ANKRD18B: variants seen among roughly 807,000 people sequenced by gnomAD.
ANKRD18B encodes ankyrin repeat domain-containing protein 18B.
In ANKRD18B, 75 loss-of-function variants were observed where a neutral mutation model predicts 111.8. The observed-to-expected ratio is 0.67, with a 90% CI of 0.56 to 0.81. ANKRD18B has a LOEUF of 0.81. Among genes scored for constraint, ANKRD18B ranks in the 40% least tolerant of loss-of-function variants. The pLI is 0.00. For synonymous variants in ANKRD18B, 356 were observed against 417.3 expected, an observed-to-expected ratio of 0.85 and a Z score of 1.79; for missense variants, 1,038 against 1,225.5, an observed-to-expected ratio of 0.85 and a Z score of 2.28.
In ANKRD18B at chr9:33,533,719, T is replaced by G; in HGVS notation, c.602+174T>G. The G allele has an allele frequency of 3.9e-6, 5 of 1,296,298 alleles. No individual in the cohort carries two copies. The South Asian group carries it at 1.0e-4, about 26-fold the overall frequency. 80.3% of individuals were successfully genotyped at this position (1,296,298 alleles called of 1,614,324 possible). On this transcript the variant is annotated intron_variant, in intron 4 of 18. Coordinates refer to ENST00000684830, the MANE Select transcript of ANKRD18B (RefSeq NM_001393611.1). Reference sequence around the variant, plus strand: ...AAGAAGTTATTTGGACTAAGCAACATAAAAAACAGTATATAGTAGGATTCA... The same window carrying G: ...AAGAAGTTATTTGGACTAAGCAACAGAAAAAACAGTATATAGTAGGATTCA...
In ANKRD18B at chr9:33,541,154, A is replaced by G. The variant is rs1349805923; in HGVS notation, c.1005A>G (p.Ala335=). Residue 335 remains alanine (A), a synonymous_variant, in exon 9 of 19, where the codon GCA becomes GCG. Transcript: ENST00000684830. ...AGTTTGCGTGTTTGACAGAAACAGC[A>G]GCTATGAAGCCTGAAAATTTGAAAA... ...NRHMRPCPET[A]AMKPENLKKR... 1.3e-6 allele frequency: 2 copies of G among 1,542,134 alleles called. No individual in the cohort carries two copies. The highest frequency in any genetic ancestry group is 1.7e-6 in the Non-Finnish European group (2 of 1,144,778).
intron 7 of ANKRD18B, 79 bp from the exon 8 acceptor site, chr9:33,539,997 CAT>C (rs769209630): frequency 4.6e-5 from 7 of 151,384 alleles, no homozygotes; most frequent in Admixed American, 6.6e-5. Flanking sequence ...CTTTTCTTCA[CAT>C]GTGTCTTTTA....
chr9:33,567,277 T>C lies in ANKRD18B; in HGVS notation c.2917T>C (p.Leu973=). ...EEYKEAFAVA[L]KANSSMSEKI... is the part of the protein sequence containing the mutation. ...GTATAAGGAAGCCTTTGCAGTAGCATTGAAAGCTAACAGTTCCATGTCAGA... is the reference window on the plus strand; with the variant it reads ...GTATAAGGAAGCCTTTGCAGTAGCACTGAAAGCTAACAGTTCCATGTCAGA... The change falls in exon 16 of 19, where the codon TTG becomes CTG. Residue 973 remains leucine (L), a synonymous_variant. Transcript: ENST00000684830. 1.3e-6 allele frequency: 2 copies of C among 1,547,496 alleles called. No individual in the cohort carries two copies. The highest frequency in any genetic ancestry group is 1.7e-6 in the Non-Finnish European group (2 of 1,145,736).
intron 5 of ANKRD18B, among the ~76,000 whole-genome samples, chr9:33,534,829 T>G (rs1247833913): frequency 6.7e-6 from 1 of 148,508 alleles, no homozygotes; most frequent in Non-Finnish European, 1.5e-5. Flanking sequence ...TTCTTCCTTT[T>G]TTTTTTTTTT....
intron 12 of ANKRD18B, among the ~76,000 whole-genome samples, chr9:33,551,256 T>C (rs1018330971): frequency 7.9e-5 from 12 of 152,340 alleles, no homozygotes; most frequent in African/African-American, 2.2e-4. Context: ...ATAATTCACA[T>C]GTCAGACAGT....
intron 12 of ANKRD18B, among the ~76,000 whole-genome samples, chr9:33,553,283 G>A (rs1016281636): frequency 3.9e-5 from 6 of 151,930 alleles, no homozygotes; most frequent in South Asian, 2.1e-4. Flanking sequence ...TAGGAGGGTC[G>A]CTTGAGCTCA....
chr9:33,541,535 A>G (rs1489296183), intron 9 of ANKRD18B, among the ~76,000 whole-genome samples: 13 of 152,124 alleles, frequency 8.5e-5, no homozygotes, highest in Non-Finnish European at 1.9e-4. Flanking sequence ...CCTCGTGACT[A>G]TTTTGCAAAA....
chr9:33,563,429 A>G (rs148267630), intron 14 of ANKRD18B, among the ~76,000 whole-genome samples: 13,211 of 152,060 alleles, frequency 0.087, 599 homozygotes, highest in South Asian at 0.097. Flanking sequence ...CTGGAACCTC[A>G]GCTGGGGCAG....
At chr9:33,540,472 G>T (rs1828263284) in intron 8 of ANKRD18B, among the ~76,000 whole-genome samples, 1 of 152,190 alleles carries the variant, frequency 6.6e-6, no homozygotes, top group African/African-American at 2.4e-5. Flanking sequence ...CTGAGGAGGG[G>T]TATTGGGATA....
At chr9:33,547,696 GT>G (rs1828379208) in intron 10 of ANKRD18B, among the ~76,000 whole-genome samples, 1 of 134,528 alleles carries the variant, frequency 7.4e-6, no homozygotes, top group Non-Finnish European at 1.7e-5. Context: ...GTGTGTGTGT[GT>G]GTGTGTGTGT....
At chr9:33,534,812 T>G (rs940887870) in intron 5 of ANKRD18B, among the ~76,000 whole-genome samples, 4 of 150,282 alleles carry the variant, frequency 2.7e-5, no homozygotes, top group African/African-American at 9.7e-5. Context: ...TTTTACTTTT[T>G]CTTTCTTTCT....
Position 33,572,233 on chromosome 9 carries a change from T to C in ANKRD18B, c.3224-83T>C, listed in dbSNP as rs965525013. The C allele has an allele frequency of 8.6e-6, 9 of 1,048,234 alleles. No individual in the cohort carries two copies. In the African/African-American group the frequency reaches 1.1e-4, roughly 13 times the overall value. The allele number at this position is 1,048,234 out of a possible 1,614,324, so 64.9% of individuals were successfully genotyped here. A position where few individuals can be genotyped will look rare whatever the true frequency, so the allele number is the denominator to read the frequency against. ...CTCATTCTTATTAACTCTGATAATG[T>C]TCTCAACTCTACATTTTAAACTTAC... On this transcript the variant is annotated intron_variant, in intron 18 of 18. Coordinates refer to ENST00000684830, the MANE Select transcript of ANKRD18B (RefSeq NM_001393611.1).
chr9:33,557,788 CA>C (rs1281599574), intron 13 of ANKRD18B, among the ~76,000 whole-genome samples: 2 of 148,164 alleles, frequency 1.3e-5, no homozygotes, highest in Non-Finnish European at 1.5e-5. Flanking sequence ...AGTTCCATCT[CA>C]AAAAAAACAA....
rs1238869854 is a variant in ANKRD18B, at chr9:33,568,893, G to C, written c.3177G>C (p.Glu1059Asp). ...ATAACTGCAAGAACTCCTTGACTGAGGTTAGTTATATGACCATTTCTCTTT... is the reference window on the plus strand; with the variant it reads ...ATAACTGCAAGAACTCCTTGACTGACGTTAGTTATATGACCATTTCTCTTT... Reference protein sequence around the residue: ...TSNNCKNSLTEMELDCAEQII... With the variant: ...TSNNCKNSLTDMELDCAEQII... The change falls in exon 17 of 19, where the codon GAG (glutamate) becomes GAC (aspartate). Residue 1059 changes from glutamate to aspartate, a missense_variant and splice_region_variant. By Grantham distance (45) the Glu-to-Asp change is conservative (BLOSUM62 2). Coordinates refer to ENST00000684830, the MANE Select transcript of ANKRD18B (RefSeq NM_001393611.1). 1 of 1,541,790 alleles carries C rather than the reference G, an allele frequency of 6.5e-7. No individual in the cohort carries two copies. Among genetic ancestry groups the C allele is most frequent in the Non-Finnish European group, 8.7e-7 (1 of 1,143,042 alleles).
downstream of ANKRD18B, among the ~76,000 whole-genome samples, chr9:33,574,742 A>G (rs1185428514): frequency 1.3e-5 from 2 of 152,144 alleles, no homozygotes; most frequent in Non-Finnish European, 2.9e-5. Flanking sequence ...ACCCATATGT[A>G]CAGACACACA....
intron 3 of ANKRD18B, among the ~76,000 whole-genome samples, chr9:33,533,132 G>A (rs1828141155): frequency 6.6e-6 from 1 of 152,086 alleles, no homozygotes; most frequent in South Asian, 2.1e-4. Flanking sequence ...GAATCTCTTG[G>A]TTTCAGTGGG....
intron 10 of ANKRD18B, among the ~76,000 whole-genome samples, chr9:33,544,787 A>T (rs1208533833): frequency 6.6e-6 from 1 of 152,230 alleles, no homozygotes; most frequent in Non-Finnish European, 1.5e-5. Context: ...TGTTGAGCCA[A>T]GATCATGCCA....
At position 33,559,815 on chromosome 9, in the gene ANKRD18B, A is replaced by G. The variant is rs117247747; in HGVS notation, c.2460+1628A>G. Among the ~76,000 whole-genome samples the G allele has an allele frequency of 1.1e-4, 17 of 152,324 alleles. No individual in the cohort carries two copies. In the East Asian group the frequency reaches 3.1e-3, roughly 28 times the overall value. ...TAACAGGTTTATTGAGAAGTAATTA[A>G]CATACCATGCAATTCACTCATTTAA... On this transcript the variant is annotated intron_variant, in intron 14 of 18. Coordinates refer to ENST00000684830, the MANE Select transcript of ANKRD18B (RefSeq NM_001393611.1).
chr9:33,568,909 A>C lies in ANKRD18B; in HGVS notation c.3177+16A>C, dbSNP rs1202335581. On this transcript the variant is annotated intron_variant, in intron 17 of 18. Transcript: ENST00000684830. ...CTTGACTGAGGTTAGTTATATGACCATTTCTCTTTTGGGTTTCATTTCTCT... is the reference window on the plus strand; with the variant it reads ...CTTGACTGAGGTTAGTTATATGACCCTTTCTCTTTTGGGTTTCATTTCTCT... The C allele has an allele frequency of 7.9e-6, 12 of 1,514,082 alleles. No homozygotes were observed. Among genetic ancestry groups the C allele is most frequent in the Non-Finnish European group, 9.7e-6 (11 of 1,130,998 alleles). 93.8% of individuals were successfully genotyped at this position (1,514,082 alleles called of 1,614,324 possible). A position where few individuals can be genotyped will look rare whatever the true frequency, so the allele number is the denominator to read the frequency against.
Sources: allele counts gnomAD v4.1 joint callset (sites outside exome capture counted in the v4.1 genomes callset), GRCh38; gene constraint gnomAD v4.1.1; transcripts MANE v1.5; gene names NCBI Gene and HGNC (gene_info 2026-07-23, HGNC 2026-07-21).